Variants in HCN1 observed in about 807,000 individuals in gnomAD.
HCN1 encodes the protein potassium/sodium hyperpolarization-activated cyclic nucleotide-gated channel 1.
Under a neutral mutation model 78.9 loss-of-function variants are expected in HCN1, and 13 were observed. The observed-to-expected ratio is 0.16, with a 90% CI of 0.11 to 0.26. The LOEUF is 0.26. HCN1 is among the 10% of genes least tolerant of loss of function. The pLI is 1.00. For synonymous variants in HCN1, 552 were observed against 455.5 expected (o/e 1.21, Z -2.70); for missense variants, 810 against 1,154.3 (o/e 0.70, Z 4.32).
chr5:45,671,668 AG>A (rs1746155121), intron 1 of HCN1, among the ~76,000 whole-genome samples: 2 of 151,568 alleles, frequency 1.3e-5, no homozygotes, highest in African/African-American at 4.8e-5. Flanking sequence ...TTTAGAAAAA[AG>A]ATCAATTTCA....
At chr5:45,485,768 T>C (rs1238485407) in intron 2 of HCN1, among the ~76,000 whole-genome samples, 2 of 152,138 alleles carry the variant, frequency 1.3e-5, no homozygotes, top group Non-Finnish European at 2.9e-5. Context: ...CAAGTATTGT[T>C]AAGGCATGAT....
chr5:45,301,630 G>A (rs1745623626), intron 6 of HCN1, among the ~76,000 whole-genome samples: 1 of 150,778 alleles, frequency 6.6e-6, no homozygotes. Flanking sequence ...GCTGAGGTGG[G>A]AGAATCACTT....
chr5:45,541,974 A>G (rs1743114161), intron 2 of HCN1, among the ~76,000 whole-genome samples: 1 of 152,162 alleles, frequency 6.6e-6, no homozygotes, highest in Admixed American at 6.5e-5. Context: ...TGTGGACAGA[A>G]AAATATAAAA....
chr5:45,481,179 A>G (rs1444775674), intron 2 of HCN1, among the ~76,000 whole-genome samples: 1 of 152,248 alleles, frequency 6.6e-6, no homozygotes, highest in Non-Finnish European at 1.5e-5. Flanking sequence ...TGACTTATTA[A>G]GAGACCTACA....
rs574896400 is a variant in HCN1 at position 45,560,952 on chromosome 5, C to T, written c.849+84233G>A. Among the ~76,000 whole-genome samples, 5 of 152,174 alleles carry T rather than the reference C, an allele frequency of 3.3e-5. No individual in the cohort carries two copies. In the South Asian group the frequency reaches 1.0e-3, roughly 32 times the overall value. Reference sequence around the variant, plus strand: ...CTCTTTACAAATGCTAAGGTATCTGCTAAACTAATATCAAATTCTAAACTT... The same window carrying T: ...CTCTTTACAAATGCTAAGGTATCTGTTAAACTAATATCAAATTCTAAACTT... On this transcript the variant is annotated intron_variant, in intron 2 of 7. Transcript: ENST00000303230.
At chr5:45,363,688 C>G (rs1747171032) in intron 4 of HCN1, among the ~76,000 whole-genome samples, 2 of 151,860 alleles carry the variant, frequency 1.3e-5, no homozygotes, top group South Asian at 4.2e-4. Context: ...ATCATGGGGG[C>G]CAGTTTTTCC....
At chr5:45,495,774 C>T (rs1409592231) in intron 2 of HCN1, among the ~76,000 whole-genome samples, 1 of 152,138 alleles carries the variant, frequency 6.6e-6, no homozygotes, top group East Asian at 1.9e-4. Flanking sequence ...AAATACGTCC[C>T]ATGAATACCT....
rs527588155 is a variant in HCN1, at chr5:45,534,618, C to T, written c.850-72611G>A. 4.6e-5 allele frequency among the ~76,000 whole-genome samples: 7 copies of T among 151,020 alleles called. No homozygotes were observed. In the South Asian group the frequency reaches 1.0e-3, roughly 23 times the overall value. On this transcript the variant is annotated intron_variant, in intron 2 of 7. Coordinates refer to ENST00000303230, the MANE Select transcript of HCN1 (RefSeq NM_021072.4). ...GATAAAAGTTTATGGAGGAAGATAACGGAGACAGACTTATGAATGTAGCTT... is the reference window on the plus strand; with the variant it reads ...GATAAAAGTTTATGGAGGAAGATAATGGAGACAGACTTATGAATGTAGCTT...
rs529493163 is a variant in HCN1 at position 45,614,974 on chromosome 5, A to C, written c.849+30211T>G. On this transcript the variant is annotated intron_variant, in intron 2 of 7. Transcript: ENST00000303230. ...GAATATATTTCAAAACCACAGAGAAAAAAAAAAAAACGTAATTCAACTTCG... is the reference window on the plus strand; with the variant it reads ...GAATATATTTCAAAACCACAGAGAACAAAAAAAAAACGTAATTCAACTTCG... 4.6e-5 allele frequency among the ~76,000 whole-genome samples: 7 copies of C among 152,012 alleles called. No individual in the cohort carries two copies. In the South Asian group the frequency reaches 1.5e-3, roughly 31 times the overall value.
chr5:45,270,277 T>G (rs995527923), intron 6 of HCN1, among the ~76,000 whole-genome samples: 1 of 152,242 alleles, frequency 6.6e-6, no homozygotes, highest in African/African-American at 2.4e-5. Context: ...CCTAACTTAC[T>G]TTCTCTGGCA....
chr5:45,284,848 G>A (rs182290451), intron 6 of HCN1, among the ~76,000 whole-genome samples: 9 of 152,186 alleles, frequency 5.9e-5, no homozygotes, highest in African/African-American at 2.2e-4. Context: ...ATGGACAAGA[G>A]ATTTATTTCT....
At chr5:45,305,591 G>A (rs1249328873) in intron 5 of HCN1, among the ~76,000 whole-genome samples, 1 of 151,812 alleles carries the variant, frequency 6.6e-6, no homozygotes, top group Non-Finnish European at 1.5e-5. Context: ...ATGGAGTGTG[G>A]GTCTATAACA....
intron 2 of HCN1, among the ~76,000 whole-genome samples, chr5:45,464,025 G>A (rs531091857): frequency 6.6e-6 from 1 of 152,158 alleles, no homozygotes; most frequent in East Asian, 1.9e-4. Flanking sequence ...GCTTTAGAGT[G>A]GAGTATGGAA....
chr5:45,370,069 T>C (rs1454976171), intron 4 of HCN1, among the ~76,000 whole-genome samples: 1 of 151,918 alleles, frequency 6.6e-6, no homozygotes, highest in Non-Finnish European at 1.5e-5. Flanking sequence ...AAAATTATAA[T>C]GGTATGAGAT....
chr5:45,526,334 T>C (rs1742735311), intron 2 of HCN1, among the ~76,000 whole-genome samples: 1 of 152,056 alleles, frequency 6.6e-6, no homozygotes, highest in South Asian at 2.1e-4. Flanking sequence ...GACTCCTTTA[T>C]CCTTCCTAAA....
intron 1 of HCN1, among the ~76,000 whole-genome samples, chr5:45,665,099 C>T (rs997917589): frequency 7.3e-5 from 11 of 151,452 alleles, no homozygotes; most frequent in East Asian, 2.0e-4. Context: ...ACATATTCAC[C>T]GTGGAATACT....
In HCN1 at chr5:45,267,245, G is replaced by A. The variant is rs2111846889; in HGVS notation, c.1627C>T (p.Leu543=). The A allele has an allele frequency of 6.2e-7, 1 of 1,613,800 alleles. No individual in the cohort carries two copies. The highest frequency in any genetic ancestry group is 8.5e-7 in the Non-Finnish European group (1 of 1,179,880). ...TDGSYFGEIC[L]LTKGRRTASV... ...GCAGTACGACGTCCTTTGGTCAGCAGGCAAATCTCTATAAAAACAAACAAC... is the reference window on the plus strand; with the variant it reads ...GCAGTACGACGTCCTTTGGTCAGCAAGCAAATCTCTATAAAAACAAACAAC... Residue 543 remains leucine (L), a synonymous_variant, in exon 7 of 8, where the codon CTG becomes TTG. Transcript: ENST00000303230.
chr5:45,362,331 T>A (rs1174668050), intron 4 of HCN1, among the ~76,000 whole-genome samples: 3 of 152,102 alleles, frequency 2.0e-5, no homozygotes, highest in Non-Finnish European at 4.4e-5. Context: ...TCAACTTTCC[T>A]ATTTCCTTCC....
chr5:45,262,531 G>A lies in HCN1; in HGVS notation c.2063C>T (p.Pro688Leu). ...GGGTGACAGGATGGCTGATGGCTGG[G>A]GGGTCTGTGTGCTGGGACTGGGGGA... ...LHSPSPSTQT[P>L]QPSAILSPCS... is the part of the protein sequence containing the mutation. The change falls in exon 8 of 8, where the codon CCC (proline) becomes CTC (leucine). Residue 688 changes from proline (P) to leucine (L), a missense_variant. Pro to Leu is a moderately conservative substitution (Grantham distance 98, BLOSUM62 -3). Around this residue, in one of 6 missense-constraint regions of HCN1, gnomAD observed 398 missense variants for 381.3 expected, o/e 1.04. Coordinates refer to ENST00000303230, the MANE Select transcript of HCN1 (RefSeq NM_021072.4). 6.2e-7 allele frequency: 1 copy of A among 1,613,870 alleles called. No homozygotes were observed. Among genetic ancestry groups the A allele is most frequent in the African/African-American group, 1.3e-5 (1 of 74,958 alleles).
Sources: allele counts gnomAD v4.1 joint callset (sites outside exome capture counted in the v4.1 genomes callset), GRCh38; gene constraint gnomAD v4.1.1; regional missense constraint gnomAD v4.1.1; transcripts MANE v1.5; gene names NCBI Gene and HGNC (gene_info 2026-07-23, HGNC 2026-07-21).